The following BBS9 variants were observed in gnomAD, a reference collection of about 807,000 sequenced individuals.
The protein encoded by BBS9 is Bardet-Biedl syndrome 9, also known as protein PTHB1.
BBS9 carries 89 observed loss-of-function variants against 117.7 expected under a neutral mutation model. The observed-to-expected ratio is 0.76, with a 90% CI of 0.64 to 0.90. The LOEUF (loss-of-function observed/expected upper bound fraction) is 0.90, where lower values mean the gene tolerates loss of function less well. Ranked by LOEUF, BBS9 falls within the 40% of genes least tolerant of loss-of-function variation. The pLI, the probability that BBS9 is intolerant of heterozygous loss-of-function variation, is 0.00. For missense variants in BBS9, 982 were observed against 1,042.2 expected (o/e 0.94, Z 0.80); for synonymous variants, 379 against 370.9 (o/e 1.02, Z -0.25).
intron 9 of BBS9, among the ~76,000 whole-genome samples, chr7:33,287,852 G>A (rs757534263): frequency 1.3e-5 from 2 of 152,172 alleles, no homozygotes; most frequent in African/African-American, 2.4e-5. Flanking sequence ...GAGAAAGGAA[G>A]AAACCAGTCA....
chr7:33,392,294 G>A (rs1827195203), intron 19 of BBS9, among the ~76,000 whole-genome samples: 1 of 152,164 alleles, frequency 6.6e-6, no homozygotes, highest in African/African-American at 2.4e-5. Flanking sequence ...GGTCATGCTT[G>A]GCTGATCTTG....
chr7:33,306,870 A>T (rs757036309), intron 9 of BBS9, among the ~76,000 whole-genome samples: 3 of 152,156 alleles, frequency 2.0e-5, no homozygotes, highest in Admixed American at 6.5e-5. Flanking sequence ...CTCTAGCATG[A>T]TATATGTTAG....
chr7:33,441,634 A>G (rs1836206660), intron 19 of BBS9, among the ~76,000 whole-genome samples: 1 of 152,182 alleles, frequency 6.6e-6, no homozygotes, highest in Non-Finnish European at 1.5e-5. Context: ...TTATATTTAT[A>G]ATATCTCTAT....
At chr7:33,249,170 T>G (rs1795833399) in intron 5 of BBS9, among the ~76,000 whole-genome samples, 1 of 151,498 alleles carries the variant, frequency 6.6e-6, no homozygotes, top group African/African-American at 2.4e-5. Context: ...GCCATAATAA[T>G]GAAGGATGGA....
At chr7:33,157,190 A>G (rs1487513779) in intron 4 of BBS9, among the ~76,000 whole-genome samples, 2 of 152,214 alleles carry the variant, frequency 1.3e-5, no homozygotes, top group East Asian at 3.8e-4. Flanking sequence ...CCAAAAAGAC[A>G]GATGCCTCTG....
chr7:33,398,529 G>A (rs1347766123), intron 19 of BBS9, among the ~76,000 whole-genome samples: 6 of 151,962 alleles, frequency 3.9e-5, no homozygotes, highest in Non-Finnish European at 7.4e-5. Flanking sequence ...TTCTTTATTC[G>A]GGTCAGAGTA....
chr7:33,477,425 AGTTT>A (rs1841948969), intron 19 of BBS9, among the ~76,000 whole-genome samples: 1 of 152,142 alleles, frequency 6.6e-6, no homozygotes, highest in Non-Finnish European at 1.5e-5. Flanking sequence ...TTTTCCTTCT[AGTTT>A]GTTTACTGTG....
chr7:33,452,668 T>G lies in BBS9; in HGVS notation c.2116-52795T>G, dbSNP rs10249379. ...AAATATTTGTTAAAATACCTACTTATATGTTTAGTGGATTTCCAAAATTAC... is the reference window on the plus strand; with the variant it reads ...AAATATTTGTTAAAATACCTACTTAGATGTTTAGTGGATTTCCAAAATTAC... On this transcript the variant is annotated intron_variant, in intron 19 of 22. Coordinates refer to ENST00000242067, the MANE Select transcript of BBS9 (RefSeq NM_198428.3). Among the ~76,000 whole-genome samples the G allele has an allele frequency of 8.6e-3, 1,304 of 152,340 alleles. 15 individuals carry two copies. The highest frequency in any genetic ancestry group is 0.015 in the Non-Finnish European group (1,031 of 68,032).
chr7:33,576,075 GAAAT>G (rs1390274972), intron 21 of BBS9, among the ~76,000 whole-genome samples: 2 of 152,120 alleles, frequency 1.3e-5, no homozygotes, highest in Non-Finnish European at 1.5e-5. Flanking sequence ...ACAAGAGAAA[GAAAT>G]AAAGGGTATT....
At chr7:33,588,760 G>T (rs2129174344) in intron 21 of BBS9, among the ~76,000 whole-genome samples, 1 of 152,262 alleles carries the variant, frequency 6.6e-6, no homozygotes, top group East Asian at 1.9e-4. Flanking sequence ...AAGACTTGAA[G>T]AAGGTGAGGG....
chr7:33,396,811 G>A (rs1432054865), intron 19 of BBS9, among the ~76,000 whole-genome samples: 3 of 152,148 alleles, frequency 2.0e-5, no homozygotes, highest in African/African-American at 7.2e-5. Context: ...CACACACAAA[G>A]ACCAATGTAA....
chr7:33,474,578 C>T (rs1007389395), intron 19 of BBS9, among the ~76,000 whole-genome samples: 1 of 152,196 alleles, frequency 6.6e-6, no homozygotes, highest in Non-Finnish European at 1.5e-5. Flanking sequence ...TCTAGTATCA[C>T]ATCCAGATGA....
intron 5 of BBS9, among the ~76,000 whole-genome samples, chr7:33,213,451 C>T (rs1788416352): frequency 6.6e-6 from 1 of 152,218 alleles, no homozygotes; most frequent in Non-Finnish European, 1.5e-5. Flanking sequence ...TTGGAGACCC[C>T]AGGAGCCTGC....
At chr7:33,371,751 A>G (rs1296637861) in intron 17 of BBS9, among the ~76,000 whole-genome samples, 1 of 152,154 alleles carries the variant, frequency 6.6e-6, no homozygotes, top group Non-Finnish European at 1.5e-5. Context: ...TGAGAAAATA[A>G]GAAAGCAAAC....
chr7:33,534,116 A>G lies in BBS9; in HGVS notation c.2461A>G (p.Lys821Glu), dbSNP rs775099530. Residue 821 changes from lysine (K) to glutamate (E), a missense_variant, in exon 21 of 23, where the codon AAA becomes GAA. Lys to Glu is a moderately conservative substitution (Grantham distance 56, BLOSUM62 1). Transcript: ENST00000242067. ...CACCTTGCTCTGCGATAGATTATCC[A>G]AAGGTGGCCGTCTCTGCCTAAGTAC... ...HITLLCDRLSKGGRLCLSTDA... is the reference protein window; with the variant it reads ...HITLLCDRLSEGGRLCLSTDA... The G allele has an allele frequency of 6.2e-7, 1 of 1,614,198 alleles. No individual in the cohort carries two copies. Among genetic ancestry groups the G allele is most frequent in the Admixed American group, 1.7e-5 (1 of 60,032 alleles).
intron 21 of BBS9, among the ~76,000 whole-genome samples, chr7:33,589,200 G>A (rs1480594752): frequency 2.0e-5 from 3 of 151,928 alleles, no homozygotes; most frequent in Non-Finnish European, 1.5e-5. Context: ...AGATAGTACT[G>A]AACCCTGTAC....
At chr7:33,632,608 T>C (rs1173858362) in intron 21 of BBS9, among the ~76,000 whole-genome samples, 1 of 152,092 alleles carries the variant, frequency 6.6e-6, no homozygotes, top group Non-Finnish European at 1.5e-5. Flanking sequence ...GAATGACCCA[T>C]TCGGGCTTCG....
intron 11 of BBS9, among the ~76,000 whole-genome samples, chr7:33,342,255 A>G (rs1333832682): frequency 6.6e-6 from 1 of 152,142 alleles, no homozygotes; most frequent in African/African-American, 2.4e-5. Flanking sequence ...TGAGTCACAT[A>G]GTAGAGGCAC....
At chr7:33,313,864 G>A (rs975525172) in intron 9 of BBS9, among the ~76,000 whole-genome samples, 6 of 152,110 alleles carry the variant, frequency 3.9e-5, no homozygotes, top group African/African-American at 7.2e-5. Context: ...ATTTAAAAAT[G>A]TCTACTCTTG....
Sources: allele counts gnomAD v4.1 joint callset (sites outside exome capture counted in the v4.1 genomes callset), GRCh38; gene constraint gnomAD v4.1.1; transcripts MANE v1.5; gene names NCBI Gene and HGNC (gene_info 2026-07-23, HGNC 2026-07-21).